CHRM3: variants seen among roughly 807,000 people sequenced by gnomAD.
CHRM3 encodes the protein muscarinic acetylcholine receptor M3.
CHRM3 carries 11 observed loss-of-function variants against 41.8 expected under a neutral mutation model. The observed-to-expected ratio is 0.26, with a 90% CI of 0.17 to 0.44. The LOEUF (loss-of-function observed/expected upper bound fraction) is 0.44. Among genes scored for constraint, CHRM3 ranks in the 20% least tolerant of loss-of-function variants. The pLI, the probability that CHRM3 is intolerant of heterozygous loss-of-function variation, is 1.00. For missense variants in CHRM3, 571 were observed against 745.4 expected (o/e 0.77, Z 2.72); for synonymous variants, 297 against 301.4 (o/e 0.99, Z 0.15).
intron 1 of CHRM3, among the ~76,000 whole-genome samples, chr1:239,476,958 A>T (rs1666509000): frequency 2.0e-5 from 3 of 152,318 alleles, no homozygotes; most frequent in African/African-American, 7.2e-5. Flanking sequence ...ACACAAGGTC[A>T]CTACAAGGAC....
intron 1 of CHRM3, among the ~76,000 whole-genome samples, chr1:239,398,623 T>C (rs1446872480): frequency 6.6e-6 from 1 of 152,164 alleles, no homozygotes; most frequent in African/African-American, 2.4e-5. Context: ...CCCATATGGA[T>C]TGTGTGTTTC....
chr1:239,525,119 T>TG (rs1193470374), intron 2 of CHRM3, among the ~76,000 whole-genome samples: 1 of 152,172 alleles, frequency 6.6e-6, no homozygotes, highest in Non-Finnish European at 1.5e-5. Flanking sequence ...TCTCAGCTCT[T>TG]TGAGAGGCCA....
chr1:239,710,273 A>T (rs1329789750), intron 5 of CHRM3, among the ~76,000 whole-genome samples: 1 of 152,152 alleles, frequency 6.6e-6, no homozygotes, highest in East Asian at 1.9e-4. Context: ...AACTATACCC[A>T]TATATATGTG....
chr1:239,722,178 C>CAGTTT (rs1553373643), intron 5 of CHRM3, among the ~76,000 whole-genome samples: 2 of 151,760 alleles, frequency 1.3e-5, no homozygotes, highest in Non-Finnish European at 2.9e-5. Context: ...TTTTGTCAGG[C>CAGTTT]GATTTATAAA....
chr1:239,888,279 G>A (rs1475556054), intron 6 of CHRM3, among the ~76,000 whole-genome samples: 2 of 151,182 alleles, frequency 1.3e-5, no homozygotes, highest in African/African-American at 4.9e-5. Context: ...AGGTAGGAGA[G>A]TCACCTGAGC....
At chr1:239,598,082 G>A (rs1303045732) in intron 3 of CHRM3, among the ~76,000 whole-genome samples, 1 of 152,068 alleles carries the variant, frequency 6.6e-6, no homozygotes, top group African/African-American at 2.4e-5. Context: ...CAGGGGTCCT[G>A]AAGGCCAGGG....
chr1:239,829,404 A>G (rs1170271097), intron 6 of CHRM3, among the ~76,000 whole-genome samples: 1 of 149,240 alleles, frequency 6.7e-6, no homozygotes, highest in African/African-American at 2.5e-5. Flanking sequence ...GGACTGAATG[A>G]TTTTTTTTTT....
chr1:239,587,466 A>C (rs924238412), intron 3 of CHRM3, among the ~76,000 whole-genome samples: 1 of 152,314 alleles, frequency 6.6e-6, no homozygotes, highest in African/African-American at 2.4e-5. Flanking sequence ...CACCAGAAAG[A>C]ACTTTTTTCT....
chr1:239,878,862 C>T (rs188319341), intron 6 of CHRM3, among the ~76,000 whole-genome samples: 1 of 152,198 alleles, frequency 6.6e-6, no homozygotes, highest in African/African-American at 2.4e-5. Context: ...AGATGGGACA[C>T]CCCTAATTCA....
In CHRM3 at chr1:239,906,120, AC is replaced by A. The variant is rs1679951069; in HGVS notation, c.-19-1311del. Among the ~76,000 whole-genome samples, 3 of 152,270 alleles carry A rather than the reference AC, an allele frequency of 2.0e-5. No homozygotes were observed. In the South Asian group the frequency reaches 6.2e-4, roughly 32 times the overall value. On this transcript the variant is annotated intron_variant, in intron 6 of 6. Transcript: ENST00000676153. ...CCAGTAAGTAGTCAAACAGATTTGA[AC>A]CTAGGCCTTTTGACCCCATAGTCTT...
At chr1:239,579,321 A>G (rs755691663) in intron 3 of CHRM3, among the ~76,000 whole-genome samples, 3 of 152,336 alleles carry the variant, frequency 2.0e-5, no homozygotes, top group Non-Finnish European at 4.4e-5. Flanking sequence ...CATGAAGTCC[A>G]TCACTGTGCT....
chr1:239,665,514 T>G (rs2149033625), intron 4 of CHRM3, among the ~76,000 whole-genome samples: 1 of 152,314 alleles, frequency 6.6e-6, no homozygotes, highest in South Asian at 2.1e-4. Context: ...TTGGTTTTTT[T>G]GGAATGTTTC....
intron 5 of CHRM3, among the ~76,000 whole-genome samples, chr1:239,778,425 A>G (rs1668267178): frequency 6.6e-6 from 1 of 152,094 alleles, no homozygotes; most frequent in Admixed American, 6.5e-5. Flanking sequence ...CCCTCTCCCC[A>G]TATCCTGGTT....
chr1:239,890,595 A>G (rs1419796733), intron 6 of CHRM3, among the ~76,000 whole-genome samples: 1 of 152,176 alleles, frequency 6.6e-6, no homozygotes, highest in Non-Finnish European at 1.5e-5. Context: ...AGTGCTCAAA[A>G]TATGGTGGGC....
At chr1:239,532,393 C>T (rs1191263640) in intron 2 of CHRM3, among the ~76,000 whole-genome samples, 1 of 149,364 alleles carries the variant, frequency 6.7e-6, no homozygotes, top group African/African-American at 2.4e-5. Context: ...TTCAGGAGGC[C>T]GAGGTGGGTG....
chr1:239,806,622 A>T (rs1446360037), intron 5 of CHRM3, among the ~76,000 whole-genome samples: 4 of 152,230 alleles, frequency 2.6e-5, no homozygotes, highest in Non-Finnish European at 5.9e-5. Context: ...GATGAGCCAT[A>T]CAGGCAGGGC....
At chr1:239,744,265 G>A (rs1191465680) in intron 5 of CHRM3, among the ~76,000 whole-genome samples, 2 of 152,088 alleles carry the variant, frequency 1.3e-5, no homozygotes, top group Admixed American at 1.3e-4. Flanking sequence ...CATTATTCAG[G>A]TCACATTCTA....
chr1:239,736,635 C>A (rs978917508), intron 5 of CHRM3, among the ~76,000 whole-genome samples: 7 of 152,104 alleles, frequency 4.6e-5, no homozygotes, highest in African/African-American at 9.7e-5. Flanking sequence ...GTTTGAAACT[C>A]CATCTCAGGA....
chr1:239,463,456 G>A (rs180777186), intron 1 of CHRM3, among the ~76,000 whole-genome samples: 13 of 152,126 alleles, frequency 8.5e-5, no homozygotes, highest in Admixed American at 5.2e-4. Context: ...TGGACTCAAA[G>A]CCCCCTGGAT....
Sources: gnomAD v4.1 joint callset for allele counts (sites outside exome capture counted in the v4.1 genomes callset) on GRCh38, gnomAD v4.1.1 for gene constraint, MANE v1.5 for transcripts, NCBI Gene and HGNC (gene_info 2026-07-23, HGNC 2026-07-21) for gene names.